The following CTNNA3 variants were observed in gnomAD, a reference collection of about 807,000 sequenced individuals.
CTNNA3 encodes the protein catenin alpha-3.
A neutral mutation model predicts 95.7 loss-of-function variants in CTNNA3; 76 were observed. The observed-to-expected ratio is 0.79, with a 90% CI of 0.66 to 0.96. The LOEUF (loss-of-function observed/expected upper bound fraction) is 0.96, where lower values mean the gene tolerates loss of function less well. Ranked by LOEUF, CTNNA3 falls within the 40% of genes least tolerant of loss-of-function variation. The pLI, the probability that CTNNA3 is intolerant of heterozygous loss-of-function variation, is 0.00. For missense variants in CTNNA3, 1,191 were observed against 1,089.8 expected (o/e 1.09, Z -1.31); for synonymous variants, 431 against 374.4 (o/e 1.15, Z -1.74).
At chr10:65,956,041 T>A (rs1236261797) in intron 17 of CTNNA3, among the ~76,000 whole-genome samples, 1 of 152,208 alleles carries the variant, frequency 6.6e-6, no homozygotes, top group Non-Finnish European at 1.5e-5. Flanking sequence ...GTTGGTATGC[T>A]ATTAATTATT....
chr10:67,322,559 T>C (rs1841367310), intron 5 of CTNNA3, among the ~76,000 whole-genome samples: 1 of 152,174 alleles, frequency 6.6e-6, no homozygotes, highest in Non-Finnish European at 1.5e-5. Flanking sequence ...CATGATCACA[T>C]TTTTTATAGA....
At chr10:67,586,436 G>T (rs1842629958) in intron 3 of CTNNA3, among the ~76,000 whole-genome samples, 1 of 152,076 alleles carries the variant, frequency 6.6e-6, no homozygotes, top group South Asian at 2.1e-4. Context: ...TTACCATATT[G>T]CTGTCTCTCT....
chr10:67,730,901 T>C (rs1293299484), intron 1 of CTNNA3, among the ~76,000 whole-genome samples: 2 of 152,090 alleles, frequency 1.3e-5, no homozygotes, highest in Non-Finnish European at 1.5e-5. Context: ...TATAGCACAA[T>C]ATGTGGCTTG....
intron 9 of CTNNA3, among the ~76,000 whole-genome samples, chr10:66,685,164 TATATATATATACAC>T (rs1847207290): frequency 8.8e-6 from 1 of 113,862 alleles, no homozygotes; most frequent in Non-Finnish European, 1.7e-5. Context: ...TATACACGTA[TATATATATATACAC>T]ATATATATAT....
At chr10:67,571,400 T>A (rs1323228820) in intron 3 of CTNNA3, among the ~76,000 whole-genome samples, 1 of 152,212 alleles carries the variant, frequency 6.6e-6, no homozygotes, top group Non-Finnish European at 1.5e-5. Flanking sequence ...TTGAGAATAA[T>A]TCTCTAGTAC....
intron 10 of CTNNA3, among the ~76,000 whole-genome samples, chr10:66,556,171 C>G (rs1216838827): frequency 6.6e-6 from 1 of 151,920 alleles, no homozygotes; most frequent in African/African-American, 2.4e-5. Flanking sequence ...GATGATATCT[C>G]ACACCTGTAA....
intron 7 of CTNNA3, among the ~76,000 whole-genome samples, chr10:66,885,225 T>C (rs1844999026): frequency 6.6e-6 from 1 of 152,140 alleles, no homozygotes; most frequent in African/African-American, 2.4e-5. Flanking sequence ...GATTCAGAAG[T>C]AGTCTTATTT....
At chr10:66,321,030 C>T (rs550848631) in intron 12 of CTNNA3, among the ~76,000 whole-genome samples, 144 of 152,026 alleles carry the variant, frequency 9.5e-4, no homozygotes, top group African/African-American at 3.4e-3. Context: ...AGACCAATGC[C>T]CATCACAAAT....
In CTNNA3 at chr10:66,532,478, A is replaced by G. The variant is rs948036287; in HGVS notation, c.1375-11705T>C. On this transcript the variant is annotated intron_variant, in intron 10 of 17. Transcript: ENST00000433211. ...CTCCGTCTCAAAAAGAAAAAAAAAAAAAAGGCATGTATTTGAAATGCCTGA... is the reference window on the plus strand; with the variant it reads ...CTCCGTCTCAAAAAGAAAAAAAAAAGAAAGGCATGTATTTGAAATGCCTGA... Among the ~76,000 whole-genome samples, 44 of 152,126 alleles carry G rather than the reference A, an allele frequency of 2.9e-4. 1 individual carries two copies. The highest frequency in any genetic ancestry group is 1.6e-4 in the Non-Finnish European group (11 of 68,024).
intron 7 of CTNNA3, among the ~76,000 whole-genome samples, chr10:67,026,139 A>G (rs1231380459): frequency 6.6e-6 from 1 of 150,966 alleles, no homozygotes; most frequent in Non-Finnish European, 1.5e-5. Context: ...GGATAGCATT[A>G]GGAGATATAC....
chr10:66,024,780 A>G (rs899588606), intron 15 of CTNNA3, among the ~76,000 whole-genome samples: 1 of 152,226 alleles, frequency 6.6e-6, no homozygotes, highest in East Asian at 1.9e-4. Context: ...GAAATAGGCT[A>G]AAACAAGTTG....
intron 5 of CTNNA3, among the ~76,000 whole-genome samples, chr10:67,257,437 CTT>C (rs756496940): frequency 5.3e-5 from 8 of 152,194 alleles, no homozygotes; most frequent in Non-Finnish European, 1.2e-4. Flanking sequence ...GAGCAGTGTT[CTT>C]GTTTCTAATT....
intron 13 of CTNNA3, among the ~76,000 whole-genome samples, chr10:66,253,050 C>T (rs989870182): frequency 1.3e-5 from 2 of 152,154 alleles, no homozygotes; most frequent in Non-Finnish European, 2.9e-5. Flanking sequence ...AATTTCTACT[C>T]ATTTAGAACA....
rs1230799317 is a variant in CTNNA3 at position 67,207,782 on chromosome 10, A to G, written c.843+11825T>C. ...ACTGAAAAATATACAGCAGCTAATAATACTGTATAATCTAGATTAATGGTT... is the reference window on the plus strand; with the variant it reads ...ACTGAAAAATATACAGCAGCTAATAGTACTGTATAATCTAGATTAATGGTT... On this transcript the variant is annotated intron_variant, in intron 6 of 17. Coordinates refer to ENST00000433211, the MANE Select transcript of CTNNA3 (RefSeq NM_013266.4). Among the ~76,000 whole-genome samples, 3 of 152,192 alleles carry G rather than the reference A, an allele frequency of 2.0e-5. No homozygotes were observed. The East Asian group carries it at 5.8e-4, about 29-fold the overall frequency.
At chr10:66,441,806 G>C (rs1045546215) in intron 11 of CTNNA3, among the ~76,000 whole-genome samples, 1 of 152,192 alleles carries the variant, frequency 6.6e-6, no homozygotes, top group African/African-American at 2.4e-5. Context: ...ACAAAGAGTA[G>C]ATTCACAGCT....
chr10:65,926,093 T>C (rs2077165135), intron 17 of CTNNA3, among the ~76,000 whole-genome samples: 2 of 150,292 alleles, frequency 1.3e-5, no homozygotes, highest in African/African-American at 4.9e-5. Flanking sequence ...ATGTTAAATA[T>C]ATAACATATA....
chr10:67,580,287 T>C (rs1244456705), intron 3 of CTNNA3, among the ~76,000 whole-genome samples: 1 of 152,236 alleles, frequency 6.6e-6, no homozygotes, highest in Admixed American at 6.5e-5. Flanking sequence ...TAGCAAGTTT[T>C]CCCAGCACCA....
At chr10:66,647,399 A>G (rs1043368134) in intron 9 of CTNNA3, among the ~76,000 whole-genome samples, 4 of 152,190 alleles carry the variant, frequency 2.6e-5, no homozygotes, top group African/African-American at 9.6e-5. Context: ...GGCAGGCTGG[A>G]GTTATTAATT....
At chr10:66,754,897 T>C (rs138200731) in intron 9 of CTNNA3, among the ~76,000 whole-genome samples, 1,772 of 152,254 alleles carry the variant, frequency 0.012, 31 homozygotes, top group African/African-American at 0.039. Flanking sequence ...AACAGCTTAA[T>C]GGTTTCTCTA....
Sources: gnomAD v4.1 joint callset for allele counts (sites outside exome capture counted in the v4.1 genomes callset) on GRCh38, gnomAD v4.1.1 for gene constraint, MANE v1.5 for transcripts, NCBI Gene and HGNC (gene_info 2026-07-23, HGNC 2026-07-21) for gene names.